The following DCTN5 variants were observed in gnomAD, a reference collection of about 807,000 sequenced individuals.
DCTN5 encodes the protein dynactin 4.
In DCTN5, 14 loss-of-function variants were observed where a neutral mutation model predicts 23.5. The observed-to-expected ratio is 0.60, with a 90% CI of 0.39 to 0.93. The LOEUF (loss-of-function observed/expected upper bound fraction) is 0.93. Ranked by LOEUF, DCTN5 falls within the 40% of genes least tolerant of loss-of-function variation. The probability of loss-of-function intolerance (pLI) is 0.00; values close to 1 mark genes in which losing one functional copy is unlikely to be tolerated. For synonymous variants in DCTN5, 67 were observed against 79.6 expected (o/e 0.84, Z 0.84); for missense variants, 156 against 225.9 (o/e 0.69, Z 1.98).
chr16:23,647,412 C>T lies in DCTN5; in HGVS notation c.117+4389C>T, dbSNP rs527814825. Among the ~76,000 whole-genome samples the T allele has an allele frequency of 2.0e-5, 3 of 151,950 alleles. No homozygotes were observed. In the South Asian group the frequency reaches 6.2e-4, roughly 32 times the overall value. Reference sequence around the variant, plus strand: ...GGTGTGAACCACTGTGCTCGGCCTACTATAATAAGTTTTTAATCATGAATT... The same window carrying T: ...GGTGTGAACCACTGTGCTCGGCCTATTATAATAAGTTTTTAATCATGAATT... On this transcript the variant is annotated intron_variant, in intron 2 of 5. Transcript: ENST00000300087.
intron 3 of DCTN5, 64 bp downstream of exon 3, chr16:23,658,689 T>C: frequency 1.6e-6 from 2 of 1,241,182 alleles, no homozygotes; most frequent in East Asian, 2.3e-5. Flanking sequence ...GTGTGGTCCA[T>C]GTGTTGAGTT....
Position 23,674,316 on chromosome 16 carries a change from A to C in DCTN5, c.*7172A>C, listed in dbSNP as rs1968057667. ...GCTTATTCTCTAATGGGACCATCTA[A>C]GATCAAGCTGCTGATAGGCTCTTTG... is the stretch of plus-strand genomic sequence containing the variant. On this transcript the variant is annotated 3_prime_UTR_variant, in exon 6 of 6. Coordinates refer to ENST00000300087, the MANE Select transcript of DCTN5 (RefSeq NM_032486.4). 6.6e-6 allele frequency: 1 copy of C among 152,244 alleles called. No individual in the cohort carries two copies. The allele number at this position is 152,244 out of a possible 1,614,324, so 9.4% of individuals were successfully genotyped here. A position where few individuals can be genotyped will look rare whatever the true frequency, so the allele number is the denominator to read the frequency against.
chr16:23,671,300 GT>G lies in DCTN5; in HGVS notation c.*4159del, dbSNP rs11288469. On this transcript the variant is annotated 3_prime_UTR_variant, in exon 6 of 6. Coordinates refer to ENST00000300087, the MANE Select transcript of DCTN5 (RefSeq NM_032486.4). ...CAGGGTGAGCACTCAATAAACGGCAGTTTATTAGGCACTTTTATTAGGAAGT... is the reference window on the plus strand; with the variant it reads ...CAGGGTGAGCACTCAATAAACGGCAGTTATTAGGCACTTTTATTAGGAAGT... The G allele has an allele frequency of 2.4e-5, 3 of 127,522 alleles. No homozygotes were observed. The highest frequency in any genetic ancestry group is 3.4e-5 in the Non-Finnish European group (2 of 59,476). The allele number at this position is 127,522 out of a possible 1,614,324, so 7.9% of individuals were successfully genotyped here. A position where few individuals can be genotyped will look rare whatever the true frequency, so the allele number is the denominator to read the frequency against.
At chr16:23,643,820 C>T (rs1967362344) in intron 2 of DCTN5, among the ~76,000 whole-genome samples, 1 of 151,886 alleles carries the variant, frequency 6.6e-6, no homozygotes, top group Non-Finnish European at 1.5e-5. Flanking sequence ...ATCTTGTAAT[C>T]CAAATAAATT....
intron 3 of DCTN5, among the ~76,000 whole-genome samples, chr16:23,659,906 G>A (rs973678686): frequency 1.8e-4 from 28 of 152,334 alleles, no homozygotes; most frequent in African/African-American, 6.7e-4. Flanking sequence ...GGTTGGATAT[G>A]GCACAGGAAA....
rs1967753961 is a variant in DCTN5 at position 23,658,550 on chromosome 16, A to T, written c.161A>T (p.Asn54Ile). The change falls in exon 3 of 6, where the codon AAT becomes ATT. Residue 54 changes from asparagine (N) to isoleucine (I), a missense_variant. By Grantham distance (149) the Asn-to-Ile change is moderately radical (BLOSUM62 -3). Transcript: ENST00000300087. ...TGTATTATCCGAGGGGATCTGGCAA[A>T]TGTAAGAGTTGGACGTCATTGTGTT... ...NDCIIRGDLANVRVGRHCVVK... is the reference protein window; with the variant it reads ...NDCIIRGDLAIVRVGRHCVVK... 2 of 1,614,212 alleles carry T rather than the reference A, an allele frequency of 1.2e-6. No individual in the cohort carries two copies. Among genetic ancestry groups the T allele is most frequent in the Non-Finnish European group, 1.7e-6 (2 of 1,180,028 alleles).
At chr16:23,664,994 C>G (rs1260231226) in intron 4 of DCTN5, among the ~76,000 whole-genome samples, 1 of 152,210 alleles carries the variant, frequency 6.6e-6, no homozygotes, top group African/African-American at 2.4e-5. Flanking sequence ...GTCTCCATCT[C>G]TGTGCTGCTT....
chr16:23,648,350 T>TCTTTTTC (rs1301435801), intron 2 of DCTN5, among the ~76,000 whole-genome samples: 6 of 144,566 alleles, frequency 4.2e-5, no homozygotes, highest in African/African-American at 1.3e-4. Context: ...TTTTCTTTTT[T>TCTTTTTC]TTTTTTTTTT....
chr16:23,673,416 T>C lies in DCTN5; in HGVS notation c.*6272T>C, dbSNP rs1968043594. 6.6e-6 allele frequency: 1 copy of C among 152,226 alleles called. No homozygotes were observed. The highest frequency in any genetic ancestry group is 1.5e-5 in the Non-Finnish European group (1 of 68,030). The allele number at this position is 152,226 out of a possible 1,614,324, so 9.4% of individuals were successfully genotyped here. ...GCCACTGTGCCCCGCCATTTTTTAA[T>C]AAACCTTTCTAATGGAACAAGTAAA... On this transcript the variant is annotated 3_prime_UTR_variant, in exon 6 of 6. Coordinates refer to ENST00000300087, the MANE Select transcript of DCTN5 (RefSeq NM_032486.4).
intron 2 of DCTN5, among the ~76,000 whole-genome samples, chr16:23,655,572 CTT>C (rs1316637548): frequency 8.0e-5 from 12 of 150,236 alleles, no homozygotes; most frequent in Admixed American, 6.7e-4. Context: ...GAGGCACAGT[CTT>C]GCTCTGTCAC....
At chr16:23,655,925 A>G (rs887509725) in intron 2 of DCTN5, among the ~76,000 whole-genome samples, 2 of 152,150 alleles carry the variant, frequency 1.3e-5, no homozygotes, top group African/African-American at 4.8e-5. Flanking sequence ...ATTCTTAAGG[A>G]CTTAAAAATT....
At position 23,668,549 on chromosome 16, in the gene DCTN5, A is replaced by T. The variant is rs908581277; in HGVS notation, c.*1405A>T. 6.6e-6 allele frequency: 1 copy of T among 152,230 alleles called. No individual in the cohort carries two copies. Among genetic ancestry groups the T allele is most frequent in the Non-Finnish European group, 1.5e-5 (1 of 68,046 alleles). The allele number at this position is 152,230 out of a possible 1,614,324, so 9.4% of individuals were successfully genotyped here. ...GCACCCAGGTTCCTACTGTCTTGCC[A>T]TGTGGCCACAGTTAGCAACAAAGGA... On this transcript the variant is annotated 3_prime_UTR_variant, in exon 6 of 6. Coordinates refer to ENST00000300087, the MANE Select transcript of DCTN5 (RefSeq NM_032486.4).
chr16:23,677,035 CA>C lies in DCTN5; in HGVS notation c.*9893del, dbSNP rs1959232847. On this transcript the variant is annotated 3_prime_UTR_variant, in exon 6 of 6. Coordinates refer to ENST00000300087, the MANE Select transcript of DCTN5 (RefSeq NM_032486.4). ...GTCTGTAATGAGCTTCCCTTGTATA[CA>C]ACATTGCACATGGGTTGTCACAACT... 6.6e-6 allele frequency: 1 copy of C among 152,258 alleles called. No individual in the cohort carries two copies. Among genetic ancestry groups the C allele is most frequent in the Admixed American group, 6.5e-5 (1 of 15,284 alleles). The allele number at this position is 152,258 out of a possible 1,614,324, so 9.4% of individuals were successfully genotyped here.
chr16:23,665,522 T>A, intron 4 of DCTN5, 104 bp from the exon 5 acceptor site: 4 of 1,095,106 alleles, frequency 3.7e-6, no homozygotes, highest in Non-Finnish European at 5.2e-6. Flanking sequence ...AACCCTCTTG[T>A]CACCGTCCCT....
At chr16:23,648,352 T>C (rs1392840975) in intron 2 of DCTN5, among the ~76,000 whole-genome samples, 9 of 145,840 alleles carry the variant, frequency 6.2e-5, no homozygotes, top group African/African-American at 2.0e-4. Flanking sequence ...TTCTTTTTTT[T>C]TTTTTTTTTT....
chr16:23,669,216 T>G lies in DCTN5; in HGVS notation c.*2072T>G, dbSNP rs1268726766. 1.3e-5 allele frequency: 2 copies of G among 152,324 alleles called. No individual in the cohort carries two copies. The highest frequency in any genetic ancestry group is 1.3e-4 in the Admixed American group (2 of 15,266). The allele number at this position is 152,324 out of a possible 1,614,324, so 9.4% of individuals were successfully genotyped here. ...AAGAACAACCAGATGGGAAGGACCT[T>G]GGTTGGGACTCTTTCCAGTTCACTT... On this transcript the variant is annotated 3_prime_UTR_variant, in exon 6 of 6. Coordinates refer to ENST00000300087, the MANE Select transcript of DCTN5 (RefSeq NM_032486.4).
rs1003279426 is a variant in DCTN5 at position 23,671,836 on chromosome 16, T to G, written c.*4692T>G. 1 of 152,192 alleles carries G rather than the reference T, an allele frequency of 6.6e-6. No homozygotes were observed. Among genetic ancestry groups the G allele is most frequent in the African/African-American group, 2.4e-5 (1 of 41,442 alleles). 9.4% of individuals were successfully genotyped at this position (152,192 alleles called of 1,614,324 possible). A position where few individuals can be genotyped will look rare whatever the true frequency, so the allele number is the denominator to read the frequency against. ...GAAGAGTTGGCACAGGACATCTTAC[T>G]TCCCTGAAAACAGTACCTGGACTTT... On this transcript the variant is annotated 3_prime_UTR_variant, in exon 6 of 6. Transcript: ENST00000300087.
Position 23,656,464 on chromosome 16 carries a change from C to G in DCTN5, c.118-2043C>G, listed in dbSNP as rs796257186. Among the ~76,000 whole-genome samples, 11 of 152,098 alleles carry G rather than the reference C, an allele frequency of 7.2e-5. No homozygotes were observed. The East Asian group carries it at 1.5e-3, about 21-fold the overall frequency. On this transcript the variant is annotated intron_variant, in intron 2 of 5. Transcript: ENST00000300087. ...TCTGTAACAGTTCTCTTTCCCCAAC[C>G]CTTTTTTCTCTCCATGCCATTTATA... is the stretch of plus-strand genomic sequence containing the variant.
rs1206298267 is a variant in DCTN5, at chr16:23,661,204, G to T, written c.271G>T (p.Val91Phe). 6.2e-7 allele frequency: 1 copy of T among 1,613,008 alleles called. No homozygotes were observed. ...AFFPLHIGDH[V>F]FIEEDCVVNA... Reference sequence around the variant, plus strand: ...CTTTCCTTTACATATTGGAGACCATGTCTTTATTGAGGAAGATTGTGTGGT... The same window carrying T: ...CTTTCCTTTACATATTGGAGACCATTTCTTTATTGAGGAAGATTGTGTGGT... Residue 91 changes from valine (V) to phenylalanine (F), a missense_variant, in exon 4 of 6, where the codon GTC becomes TTC. Physicochemically the swap from Val to Phe is conservative, Grantham distance 50 (BLOSUM62 -1). Coordinates refer to ENST00000300087, the MANE Select transcript of DCTN5 (RefSeq NM_032486.4).
Sources: gnomAD v4.1 joint callset for allele counts (sites outside exome capture counted in the v4.1 genomes callset) on GRCh38, gnomAD v4.1.1 for gene constraint, MANE v1.5 for transcripts, NCBI Gene and HGNC (gene_info 2026-07-23, HGNC 2026-07-21) for gene names.